COL8A1: variants seen among roughly 807,000 people sequenced by gnomAD.
COL8A1 encodes the protein collagen alpha-1(VIII) chain.
In COL8A1, 21 loss-of-function variants were observed where a neutral mutation model predicts 42.7. That is an observed-to-expected ratio of 0.49 (90% confidence interval 0.35 to 0.71). The LOEUF (loss-of-function observed/expected upper bound fraction) is 0.71, where lower values mean the gene tolerates loss of function less well. Ranked by LOEUF, COL8A1 falls within the 30% of genes least tolerant of loss-of-function variation. The pLI is 0.01. For missense variants in COL8A1, 788 were observed against 962.4 expected, an observed-to-expected ratio of 0.82 and a Z score of 2.40; for synonymous variants, 367 against 369.1, an observed-to-expected ratio of 0.99 and a Z score of 0.06.
chr3:99,681,927 A>G (rs959006346), intron 1 of COL8A1, among the ~76,000 whole-genome samples: 4 of 152,230 alleles, frequency 2.6e-5, no homozygotes, highest in African/African-American at 9.6e-5. Context: ...CAAGCAGCAG[A>G]GTGTGATATG....
At chr3:99,757,380 A>G (rs991607714) in intron 2 of COL8A1, among the ~76,000 whole-genome samples, 1 of 152,162 alleles carries the variant, frequency 6.6e-6, no homozygotes, top group Non-Finnish European at 1.5e-5. Context: ...CTAAGCATTA[A>G]CAGATTTTTA....
chr3:99,649,221 C>A lies in COL8A1; in HGVS notation c.-129+10557C>A, dbSNP rs1005552670. 3.3e-5 allele frequency among the ~76,000 whole-genome samples: 5 copies of A among 152,088 alleles called. No individual in the cohort carries two copies. The East Asian group carries it at 9.7e-4, about 29-fold the overall frequency. On this transcript the variant is annotated intron_variant, in intron 1 of 3. Transcript: ENST00000652472. ...TTCAGACTCCCTAGAACTCTCTGTA[C>A]AAGCCCTGCCACAGTTGTCTCCATT...
intron 1 of COL8A1, among the ~76,000 whole-genome samples, chr3:99,742,633 A>G (rs946970251): frequency 2.0e-5 from 3 of 152,228 alleles, no homozygotes; most frequent in Non-Finnish European, 4.4e-5. Context: ...GTAAGCACTC[A>G]ATGTTAAATG....
chr3:99,665,575 T>C (rs1291912629), intron 1 of COL8A1, among the ~76,000 whole-genome samples: 2 of 151,640 alleles, frequency 1.3e-5, no homozygotes, highest in East Asian at 3.9e-4. Flanking sequence ...TTATGCCACA[T>C]AAAATATTGC....
intron 2 of COL8A1, among the ~76,000 whole-genome samples, chr3:99,773,383 C>T (rs947805600): frequency 6.6e-6 from 1 of 152,058 alleles, no homozygotes; most frequent in Admixed American, 6.5e-5. Flanking sequence ...CCAAACCCTC[C>T]TCTAACCTAT....
intron 1 of COL8A1, among the ~76,000 whole-genome samples, chr3:99,676,751 T>C (rs1223232178): frequency 1.3e-5 from 2 of 152,052 alleles, no homozygotes; most frequent in East Asian, 1.9e-4. Context: ...GGAATTGGAA[T>C]TGGAAAGGAA....
intron 1 of COL8A1, among the ~76,000 whole-genome samples, chr3:99,663,897 A>G (rs1264519806): frequency 6.6e-6 from 1 of 152,148 alleles, no homozygotes; most frequent in Non-Finnish European, 1.5e-5. Context: ...AGTTCTATCA[A>G]ATTATGTCCT....
At chr3:99,780,400 C>T (rs139152796) in intron 2 of COL8A1, among the ~76,000 whole-genome samples, 224 of 152,286 alleles carry the variant, frequency 1.5e-3, no homozygotes, top group African/African-American at 5.0e-3. Flanking sequence ...TCATTCATGC[C>T]CCTCGCTACT....
At chr3:99,786,166 T>C (rs1490701209) in intron 2 of COL8A1, among the ~76,000 whole-genome samples, 1 of 152,170 alleles carries the variant, frequency 6.6e-6, no homozygotes, top group Non-Finnish European at 1.5e-5. Flanking sequence ...CTTCCTCAGA[T>C]GTCATTCCCT....
At chr3:99,721,539 A>G (rs910882227) in intron 1 of COL8A1, among the ~76,000 whole-genome samples, 5 of 152,058 alleles carry the variant, frequency 3.3e-5, no homozygotes, top group African/African-American at 1.2e-4. Context: ...GGGGATGCCC[A>G]CAGGAGGCCA....
chr3:99,656,723 C>T (rs928971633), intron 1 of COL8A1, among the ~76,000 whole-genome samples: 1 of 152,218 alleles, frequency 6.6e-6, no homozygotes, highest in Non-Finnish European at 1.5e-5. Context: ...GAGCCAAACA[C>T]ACTGACTCAC....
chr3:99,767,763 T>C (rs1941492105), intron 2 of COL8A1, among the ~76,000 whole-genome samples: 2 of 152,074 alleles, frequency 1.3e-5, no homozygotes, highest in South Asian at 4.2e-4. Context: ...TGCAGCAAGG[T>C]ATAGAGGTGT....
intron 1 of COL8A1, among the ~76,000 whole-genome samples, chr3:99,733,446 A>G (rs1940589535): frequency 6.9e-6 from 1 of 144,248 alleles, no homozygotes; most frequent in Non-Finnish European, 1.5e-5. Flanking sequence ...ATGATTTCCA[A>G]TTTCATCCAT....
intron 1 of COL8A1, among the ~76,000 whole-genome samples, chr3:99,739,219 C>T (rs917323824): frequency 6.6e-6 from 1 of 152,252 alleles, no homozygotes; most frequent in African/African-American, 2.4e-5. Flanking sequence ...TAGACCAGAG[C>T]TGTTCCTATT....
At chr3:99,644,835 T>C (rs1308699737) in intron 1 of COL8A1, among the ~76,000 whole-genome samples, 1 of 152,206 alleles carries the variant, frequency 6.6e-6, no homozygotes, top group African/African-American at 2.4e-5. Flanking sequence ...AGCTGTCAAC[T>C]TCTCTAGGAA....
chr3:99,693,773 T>C (rs1356430519), intron 1 of COL8A1, among the ~76,000 whole-genome samples: 1 of 152,208 alleles, frequency 6.6e-6, no homozygotes, highest in African/African-American at 2.4e-5. Flanking sequence ...AAGTATACAA[T>C]GTTTATAAAG....
intron 2 of COL8A1, among the ~76,000 whole-genome samples, chr3:99,788,475 C>T (rs946522891): frequency 2.0e-4 from 31 of 152,322 alleles, no homozygotes; most frequent in African/African-American, 7.0e-4. Flanking sequence ...GACTTCACCA[C>T]AAGTCTGGGG....
intron 1 of COL8A1, among the ~76,000 whole-genome samples, chr3:99,658,114 C>CAA (rs1280002372): frequency 1.1e-4 from 10 of 93,364 alleles, no homozygotes; most frequent in South Asian, 3.3e-4. Context: ...GACTCCATCT[C>CAA]AAAAAAACAA....
intron 1 of COL8A1, among the ~76,000 whole-genome samples, chr3:99,743,521 T>C (rs549547972): frequency 7.7e-4 from 118 of 152,320 alleles, no homozygotes; most frequent in African/African-American, 2.7e-3. Context: ...ATTCAAGTAC[T>C]TCCTCATTTT....
Sources: gnomAD v4.1 joint callset for allele counts (sites outside exome capture counted in the v4.1 genomes callset) on GRCh38, gnomAD v4.1.1 for gene constraint, MANE v1.5 for transcripts, NCBI Gene and HGNC (gene_info 2026-07-23, HGNC 2026-07-21) for gene names.